Variants in GRM5 observed in about 807,000 individuals in gnomAD.
The protein encoded by GRM5 is metabotropic glutamate receptor 5.
GRM5 carries 19 observed loss-of-function variants against 83.1 expected under a neutral mutation model. The observed-to-expected ratio is 0.23, with a 90% CI of 0.16 to 0.34. The LOEUF is 0.34. Among genes scored for constraint, GRM5 ranks in the 10% least tolerant of loss-of-function variants. The pLI, the probability that GRM5 is intolerant of heterozygous loss-of-function variation, is 1.00. For missense variants in GRM5, 1,160 were observed against 1,588.3 expected (o/e 0.73, Z 4.58); for synonymous variants, 675 against 633.6 (o/e 1.07, Z -0.98).
chr11:88,567,458 G>A lies in GRM5; in HGVS notation c.2225C>T (p.Thr742Ile). 2.5e-6 allele frequency: 4 copies of A among 1,614,176 alleles called. No homozygotes were observed. Among genetic ancestry groups the A allele is most frequent in the Non-Finnish European group, 3.4e-6 (4 of 1,179,980 alleles). Reference protein sequence around the residue: ...ICNTTNLGVVTPLGYNGLLIL... With the variant: ...ICNTTNLGVVIPLGYNGLLIL... ...CAACAATCCATTGTATCCAAGTGGA[G>A]TGACAACTCCTAGGTTGGTGGTGTT... Residue 742 changes from threonine to isoleucine, a missense_variant, in exon 8 of 10, where the codon ACT becomes ATT. Thr to Ile is a moderately conservative substitution (Grantham distance 89, BLOSUM62 -1). Transcript: ENST00000305447. The surrounding 1 kb of genome is among the most constrained non-coding windows in gnomAD (Gnocchi z 7.3).
At chr11:88,778,589 G>A (rs139223267) in intron 3 of GRM5, among the ~76,000 whole-genome samples, 38 of 152,238 alleles carry the variant, frequency 2.5e-4, no homozygotes, top group Admixed American at 1.9e-3. Context: ...ATCTTGGAAT[G>A]CCCACTGCTC....
At chr11:88,534,508 A>G (rs891132275) in intron 8 of GRM5, among the ~76,000 whole-genome samples, 5 of 152,204 alleles carry the variant, frequency 3.3e-5, no homozygotes, top group African/African-American at 7.2e-5. Flanking sequence ...AATTTCTCCC[A>G]TCTGGAATGG....
At chr11:88,805,610 T>C (rs1943486140) in intron 3 of GRM5, among the ~76,000 whole-genome samples, 1 of 152,222 alleles carries the variant, frequency 6.6e-6, no homozygotes, top group Non-Finnish European at 1.5e-5. Context: ...GAAATTTCAA[T>C]GCAAATGGAA....
At chr11:88,846,126 T>A (rs2135535979) in intron 3 of GRM5, among the ~76,000 whole-genome samples, 1 of 152,366 alleles carries the variant, frequency 6.6e-6, no homozygotes, top group South Asian at 2.1e-4. Flanking sequence ...TAGTAAAGAA[T>A]ATTCTCAAAT....
rs1352263234 is a variant in GRM5 at position 88,509,153 on chromosome 11, G to A, written c.3078C>T (p.Ser1026=). 7 of 1,538,816 alleles carry A rather than the reference G, an allele frequency of 4.5e-6. No homozygotes were observed. The South Asian group carries it at 4.8e-5, about 11-fold the overall frequency. ...TGCGGCTGGCCGAGCCCGCGCGGTG[G>A]CTCAGCGTGCTGATGGGCGACGGTG... ...PRSPSPISTL[S]HRAGSASRTD... Residue 1026 remains serine, a synonymous_variant, in exon 10 of 10, where the codon AGC becomes AGT. Transcript: ENST00000305447.
intron 2 of GRM5, among the ~76,000 whole-genome samples, chr11:88,994,349 A>G (rs1277002448): frequency 1.8e-4 from 27 of 151,340 alleles, no homozygotes; most frequent in African/African-American, 6.1e-4. Context: ...TCAAAATTCC[A>G]ATAGCATTTT....
intron 9 of GRM5, among the ~76,000 whole-genome samples, chr11:88,516,748 G>A (rs1160013962): frequency 6.6e-6 from 1 of 151,228 alleles, no homozygotes; most frequent in Non-Finnish European, 1.5e-5. Context: ...TGGATAAAAT[G>A]GGCATATGCC....
chr11:89,015,689 A>G (rs1046275706), intron 2 of GRM5, among the ~76,000 whole-genome samples: 3 of 152,200 alleles, frequency 2.0e-5, no homozygotes, highest in Admixed American at 2.0e-4. Context: ...GAAGTGTGCC[A>G]AGTACTTTGG....
intron 3 of GRM5, among the ~76,000 whole-genome samples, chr11:88,813,912 T>G (rs1943627353): frequency 1.3e-5 from 2 of 152,032 alleles, no homozygotes; most frequent in Admixed American, 1.3e-4. Context: ...ATCCTAAAAA[T>G]TTTTACAATA....
intron 7 of GRM5, among the ~76,000 whole-genome samples, chr11:88,571,348 G>A (rs925630635): frequency 6.6e-6 from 1 of 152,124 alleles, no homozygotes; most frequent in African/African-American, 2.4e-5. Context: ...TATATTAAAT[G>A]AATGCTTCTT....
chr11:88,590,153 C>A (rs977366247), intron 7 of GRM5, among the ~76,000 whole-genome samples: 2 of 152,164 alleles, frequency 1.3e-5, no homozygotes, highest in African/African-American at 4.8e-5. Flanking sequence ...CTCCTGATTT[C>A]AATTAATAAA....
At chr11:88,848,734 T>C (rs1321670594) in intron 3 of GRM5, among the ~76,000 whole-genome samples, 1 of 152,200 alleles carries the variant, frequency 6.6e-6, no homozygotes, top group Non-Finnish European at 1.5e-5. Flanking sequence ...ATGTGTCTAG[T>C]GCCTGGGCTA....
intron 2 of GRM5, among the ~76,000 whole-genome samples, chr11:88,881,500 G>T (rs907149490): frequency 6.9e-5 from 10 of 144,672 alleles, no homozygotes; most frequent in Admixed American, 2.1e-4. Context: ...AACTTAAAAA[G>T]CAAGTTAGTT....
intron 2 of GRM5, among the ~76,000 whole-genome samples, chr11:88,924,773 A>T (rs2135635021): frequency 6.6e-6 from 1 of 152,012 alleles, no homozygotes; most frequent in Admixed American, 6.6e-5. Flanking sequence ...TACAGTTAAT[A>T]ATATTGTATT....
intron 2 of GRM5, among the ~76,000 whole-genome samples, chr11:88,944,586 C>G (rs1938214437): frequency 6.6e-6 from 1 of 151,336 alleles, no homozygotes; most frequent in South Asian, 2.1e-4. Context: ...AACTATAATT[C>G]TCATGCAGTA....
intron 2 of GRM5, among the ~76,000 whole-genome samples, chr11:88,995,096 A>G (rs902574427): frequency 6.6e-6 from 1 of 152,208 alleles, no homozygotes; most frequent in African/African-American, 2.4e-5. Flanking sequence ...AAAAATTCCC[A>G]GAACAATGAT....
intron 2 of GRM5, among the ~76,000 whole-genome samples, chr11:88,959,989 G>C (rs1468331857): frequency 1.3e-5 from 2 of 152,058 alleles, no homozygotes; most frequent in Non-Finnish European, 2.9e-5. Context: ...TCGCTGATAA[G>C]ATGACATTTG....
At chr11:88,622,543 T>C (rs1438898522) in intron 4 of GRM5, among the ~76,000 whole-genome samples, 1 of 152,160 alleles carries the variant, frequency 6.6e-6, no homozygotes, top group Non-Finnish European at 1.5e-5. Flanking sequence ...CTTTGATTTA[T>C]GGGATCACCC....
At chr11:88,585,758 A>G (rs61901971) in intron 7 of GRM5, among the ~76,000 whole-genome samples, 16,814 of 152,172 alleles carry the variant, frequency 0.11, 1,236 homozygotes, top group Non-Finnish European at 0.16. Flanking sequence ...ATTACTTTCA[A>G]TATTTGGAAA....
Sources: allele counts gnomAD v4.1 joint callset (sites outside exome capture counted in the v4.1 genomes callset), GRCh38; gene constraint gnomAD v4.1.1; non-coding constraint Gnocchi (gnomAD v3.1); transcripts MANE v1.5; gene names NCBI Gene and HGNC (gene_info 2026-07-23, HGNC 2026-07-21).